Variants in GLT8D2 observed in about 807,000 individuals in gnomAD.
GLT8D2 encodes glycosyltransferase 8 domain containing 2.
Under a neutral mutation model 44.5 loss-of-function variants are expected in GLT8D2, and 45 were observed. The observed-to-expected ratio is 1.01, with a 90% CI of 0.80 to 1.30. The LOEUF (loss-of-function observed/expected upper bound fraction) is 1.30. GLT8D2 is among the 50% of genes most tolerant of loss of function. The pLI, the probability that GLT8D2 is intolerant of heterozygous loss-of-function variation, is 0.00. For missense variants in GLT8D2, 400 were observed against 430.4 expected, an observed-to-expected ratio of 0.93 and a Z score of 0.62; for synonymous variants, 156 against 157.2, an observed-to-expected ratio of 0.99 and a Z score of 0.06.
chr12:104,020,645 C>G (rs574071598), intron 2 of GLT8D2, among the ~76,000 whole-genome samples: 8 of 152,006 alleles, frequency 5.3e-5, no homozygotes, highest in African/African-American at 1.7e-4. Flanking sequence ...GGGATAAAGA[C>G]GAACAAGGGT....
At chr12:104,005,125 A>G (rs1874801756) in intron 4 of GLT8D2, among the ~76,000 whole-genome samples, 1 of 152,248 alleles carries the variant, frequency 6.6e-6, no homozygotes, top group Admixed American at 6.5e-5. Context: ...AAAACAAGAA[A>G]CAGGGAAAGG....
intron 10 of GLT8D2, among the ~76,000 whole-genome samples, chr12:103,991,934 A>G (rs1442793581): frequency 1.3e-5 from 2 of 152,134 alleles, no homozygotes; most frequent in Non-Finnish European, 2.9e-5. Flanking sequence ...AGTTCTTGGC[A>G]ATGTAATGGA....
rs148997114 is a variant in GLT8D2 at position 104,041,311 on chromosome 12, G to A, written c.-164+8584C>T. ...CGCCTGTAATCCCAGCTAGTCAGGA[G>A]GCTGAGGTAGGAGAATCGCTTGAAC... On this transcript the variant is annotated intron_variant, in intron 1 of 10. Coordinates refer to ENST00000360814, the MANE Select transcript of GLT8D2 (RefSeq NM_001384711.1). 9.5e-3 allele frequency among the ~76,000 whole-genome samples: 1,445 copies of A among 152,356 alleles called. 9 individuals carry two copies. The highest frequency in any genetic ancestry group is 0.016 in the Non-Finnish European group (1,092 of 68,038).
In GLT8D2 at chr12:103,994,418, A is replaced by C; in HGVS notation, c.684T>G (p.Pro228=). 7 of 1,614,132 alleles carry C rather than the reference A, an allele frequency of 4.3e-6. No individual in the cohort carries two copies. Among genetic ancestry groups the C allele is most frequent in the Non-Finnish European group, 5.9e-6 (7 of 1,179,984 alleles). Residue 228 remains proline, a synonymous_variant, in exon 9 of 11, where the codon CCT becomes CCG. Coordinates refer to ENST00000360814, the MANE Select transcript of GLT8D2 (RefSeq NM_001384711.1). ...CTGTCATGTTGGCAACAATCACACCAGGATTGAAAGAGCAGGTGCTGGGGC... is the reference window on the plus strand; with the variant it reads ...CTGTCATGTTGGCAACAATCACACCCGGATTGAAAGAGCAGGTGCTGGGGC... The part of the protein sequence containing the change: ...GISPSTCSFN[P]GVIVANMTEW...
At position 103,994,317 on chromosome 12, in the gene GLT8D2, A is replaced by C; in HGVS notation, c.767+18T>G. Reference sequence around the variant, plus strand: ...TGTTTCCAAGCATGGAAAAAATGGTAGAGAAGCCTTCACGTACTCCACATT... The same window carrying C: ...TGTTTCCAAGCATGGAAAAAATGGTCGAGAAGCCTTCACGTACTCCACATT... On this transcript the variant is annotated intron_variant, in intron 9 of 10. Transcript: ENST00000360814. The C allele has an allele frequency of 6.3e-7, 1 of 1,583,000 alleles. No individual in the cohort carries two copies. The highest frequency in any genetic ancestry group is 8.6e-7 in the Non-Finnish European group (1 of 1,160,308).
At chr12:104,007,838 ATACTG>A (rs535061722) in intron 4 of GLT8D2, among the ~76,000 whole-genome samples, 106 of 152,182 alleles carry the variant, frequency 7.0e-4, no homozygotes, top group Non-Finnish European at 1.3e-3. Context: ...GGTTTTCCCC[ATACTG>A]TTCTCATGGT....
Position 103,989,210 on chromosome 12 carries a change from C to T in GLT8D2, c.*198G>A. 1 of 405,994 alleles carries T rather than the reference C, an allele frequency of 2.5e-6. No homozygotes were observed. Among genetic ancestry groups the T allele is most frequent in the Admixed American group, 4.1e-5 (1 of 24,526 alleles). 25.1% of individuals were successfully genotyped at this position (405,994 alleles called of 1,614,324 possible). On this transcript the variant is annotated 3_prime_UTR_variant, in exon 11 of 11. Transcript: ENST00000360814. ...TTTTCAGTCACATAATCTTGATTTC[C>T]ATAGTTATCACATGTACTTAAAGAA...
At chr12:104,018,173 T>C (rs1210891903) in intron 3 of GLT8D2, among the ~76,000 whole-genome samples, 1 of 152,118 alleles carries the variant, frequency 6.6e-6, no homozygotes, top group Non-Finnish European at 1.5e-5. Flanking sequence ...GGTTTCACCA[T>C]GTTGCTAAGG....
At chr12:104,024,194 C>T (rs551786960) in intron 1 of GLT8D2, among the ~76,000 whole-genome samples, 1 of 152,192 alleles carries the variant, frequency 6.6e-6, no homozygotes, top group East Asian at 1.9e-4. Context: ...CCAGCCCTGG[C>T]AACATAGTGA....
intron 1 of GLT8D2, among the ~76,000 whole-genome samples, chr12:104,023,457 A>G (rs1315292376): frequency 1.3e-5 from 2 of 152,352 alleles, no homozygotes; most frequent in Middle Eastern, 3.4e-3. Context: ...TTCATTTTAA[A>G]TAGGCTTCTT....
chr12:103,992,682 G>A (rs1014630305), intron 10 of GLT8D2, among the ~76,000 whole-genome samples: 8 of 151,830 alleles, frequency 5.3e-5, no homozygotes, highest in South Asian at 2.1e-4. Context: ...TAGCAGAGAC[G>A]GGTTTCACCA....
Position 103,989,048 on chromosome 12 carries a change from A to G in GLT8D2, c.*360T>C, listed in dbSNP as rs1872383238. 1 of 159,502 alleles carries G rather than the reference A, an allele frequency of 6.3e-6. No homozygotes were observed. The highest frequency in any genetic ancestry group is 2.4e-5 in the African/African-American group (1 of 41,784). 9.9% of individuals were successfully genotyped at this position (159,502 alleles called of 1,614,324 possible). ...ATTTTAAATGTAATAGTTTTATAAA[A>G]GAAAAGGTTGGCAACCTGTTAAGGA... is the stretch of plus-strand genomic sequence containing the variant. On this transcript the variant is annotated 3_prime_UTR_variant, in exon 11 of 11. Transcript: ENST00000360814.
chr12:103,997,738 G>A (rs377743995), intron 6 of GLT8D2, among the ~76,000 whole-genome samples: 25 of 152,202 alleles, frequency 1.6e-4, no homozygotes, highest in African/African-American at 5.3e-4. Flanking sequence ...CAGCGCTGAC[G>A]GATCGGCCGT....
intron 4 of GLT8D2, among the ~76,000 whole-genome samples, chr12:104,010,142 G>A (rs571488359): frequency 3.9e-5 from 6 of 152,250 alleles, no homozygotes; most frequent in African/African-American, 1.2e-4. Context: ...AGAATTTGAC[G>A]TTTCTTTGCT....
intron 10 of GLT8D2, among the ~76,000 whole-genome samples, chr12:103,992,787 C>T (rs1277935633): frequency 1.3e-5 from 2 of 152,074 alleles, no homozygotes; most frequent in African/African-American, 2.4e-5. Flanking sequence ...CCACCACGCC[C>T]GGCCGAAAGT....
intron 1 of GLT8D2, among the ~76,000 whole-genome samples, chr12:104,042,308 G>T (rs950037667): frequency 4.6e-5 from 7 of 152,176 alleles, no homozygotes; most frequent in African/African-American, 1.7e-4. Context: ...GAGCTAGGCA[G>T]CCACCTTGAG....
At chr12:104,057,212 TC>T (rs1323053109) in intron 1 of GLT8D2, among the ~76,000 whole-genome samples, 1 of 152,084 alleles carries the variant, frequency 6.6e-6, no homozygotes, top group Non-Finnish European at 1.5e-5. Context: ...GAAAGATATC[TC>T]ACAACATTGA....
chr12:104,026,809 G>A (rs1172424020), intron 1 of GLT8D2, among the ~76,000 whole-genome samples: 1 of 152,168 alleles, frequency 6.6e-6, no homozygotes, highest in African/African-American at 2.4e-5. Flanking sequence ...AAAACAATTT[G>A]TCTTGAAAAC....
chr12:104,006,803 A>T (rs561251906), intron 4 of GLT8D2, among the ~76,000 whole-genome samples: 1 of 152,324 alleles, frequency 6.6e-6, no homozygotes, highest in African/African-American at 2.4e-5. Context: ...ATCATAACAC[A>T]AAATCTATTA....
Sources: allele counts gnomAD v4.1 joint callset (sites outside exome capture counted in the v4.1 genomes callset), GRCh38; gene constraint gnomAD v4.1.1; transcripts MANE v1.5; gene names NCBI Gene and HGNC (gene_info 2026-07-23, HGNC 2026-07-21).